FAM114A2: variants seen among roughly 807,000 people sequenced by gnomAD.
FAM114A2 encodes the protein protein FAM114A2.
Under a neutral mutation model 58.4 loss-of-function variants are expected in FAM114A2, and 53 were observed. That is an observed-to-expected ratio of 0.91 (90% CI 0.73 to 1.14). The LOEUF (loss-of-function observed/expected upper bound fraction) is 1.14, where lower values mean the gene tolerates loss of function less well. Among genes scored for constraint, FAM114A2 ranks in the 50% most tolerant of loss-of-function variants. The pLI, the probability that FAM114A2 is intolerant of heterozygous loss-of-function variation, is 0.00. For synonymous variants in FAM114A2, 228 were observed against 211.4 expected (o/e 1.08, Z -0.68); for missense variants, 601 against 581.1 (o/e 1.03, Z -0.35).
intron 9 of FAM114A2, among the ~76,000 whole-genome samples, chr5:154,003,604 C>T (rs1042784912): frequency 2.6e-5 from 4 of 152,156 alleles, no homozygotes; most frequent in African/African-American, 9.7e-5. Context: ...TAGAATATTT[C>T]CTCATCCCTA....
In FAM114A2 at chr5:153,990,941, T is replaced by C. The variant is rs940093218; in HGVS notation, c.*2035A>G. 1 of 152,350 alleles carries C rather than the reference T, an allele frequency of 6.6e-6. No homozygotes were observed. Among genetic ancestry groups the C allele is most frequent in the East Asian group, 1.9e-4 (1 of 5,192 alleles). The allele number at this position is 152,350 out of a possible 1,614,324, so 9.4% of individuals were successfully genotyped here. ...CCTGAATTTACCTACTCATCTGTCA[T>C]GAATGTTTATGTTTCTCTATGTCTA... On this transcript the variant is annotated 3_prime_UTR_variant, in exon 14 of 14. Coordinates refer to ENST00000351797, the MANE Select transcript of FAM114A2 (RefSeq NM_018691.4).
At chr5:154,015,286 T>C (rs1485875854) in intron 8 of FAM114A2, among the ~76,000 whole-genome samples, 1 of 152,192 alleles carries the variant, frequency 6.6e-6, no homozygotes, top group Admixed American at 6.5e-5. Context: ...TGATGCTTTC[T>C]TGAAAGTGCC....
intron 4 of FAM114A2, among the ~76,000 whole-genome samples, chr5:154,031,314 A>G (rs1240633671): frequency 6.7e-6 from 1 of 149,068 alleles, no homozygotes; most frequent in South Asian, 2.1e-4. Context: ...TCCCTCTCCA[A>G]AAAAAAAAAA....
chr5:154,035,672 C>T (rs1036270926), intron 1 of FAM114A2, among the ~76,000 whole-genome samples: 6 of 152,130 alleles, frequency 3.9e-5, no homozygotes, highest in Admixed American at 1.3e-4. Context: ...TTTGGGGGAA[C>T]ATAAGCTATC....
intron 4 of FAM114A2, among the ~76,000 whole-genome samples, chr5:154,029,954 T>A (rs773812060): frequency 2.0e-5 from 3 of 152,154 alleles, no homozygotes; most frequent in Non-Finnish European, 4.4e-5. Flanking sequence ...TGAGAGAACC[T>A]TTTTGGGGTA....
intron 9 of FAM114A2, among the ~76,000 whole-genome samples, chr5:154,009,371 A>G (rs1770550929): frequency 6.6e-6 from 1 of 152,164 alleles, no homozygotes. Context: ...AACTCCATGA[A>G]AGCATACTGA....
At chr5:154,032,181 T>C (rs1772247763) in intron 4 of FAM114A2, among the ~76,000 whole-genome samples, 1 of 152,216 alleles carries the variant, frequency 6.6e-6, no homozygotes, top group Non-Finnish European at 1.5e-5. Context: ...TAGAGCCCAC[T>C]CTTCTTCCTT....
intron 8 of FAM114A2, among the ~76,000 whole-genome samples, chr5:154,023,833 A>C (rs952472313): frequency 2.0e-5 from 3 of 152,190 alleles, no homozygotes; most frequent in African/African-American, 7.2e-5. Flanking sequence ...ATAACTATGT[A>C]ATTATAAATG....
In FAM114A2 at chr5:154,029,465, AC is replaced by A. The variant is rs549172465; in HGVS notation, c.495+23del. 3.4e-4 allele frequency: 428 copies of A among 1,266,860 alleles called. 1 individual carries two copies. The African/African-American group carries it at 5.9e-3, about 18-fold the overall frequency. 78.5% of individuals were successfully genotyped at this position (1,266,860 alleles called of 1,614,324 possible). On this transcript the variant is annotated intron_variant, in intron 5 of 13. Transcript: ENST00000351797. The stretch of plus-strand genomic sequence containing the variant: ...CCATTATAATAATGGAAAGGAACAG[AC>A]CACCTTGCACTTTTTTACTTACTGT...
chr5:153,996,928 C>T (rs1215419171), intron 12 of FAM114A2, among the ~76,000 whole-genome samples: 3 of 146,624 alleles, frequency 2.0e-5, no homozygotes, highest in Non-Finnish European at 4.5e-5. Context: ...ACCCAGGAGG[C>T]AGAGGTTGTA....
Position 153,993,125 on chromosome 5 carries a change from A to G in FAM114A2, c.1384-15T>C, listed in dbSNP as rs1447324933. On this transcript the variant is annotated splice_polypyrimidine_tract_variant and intron_variant, in intron 13 of 13. Transcript: ENST00000351797. Reference sequence around the variant, plus strand: ...CTGTTTGATGCCTGCCAGGATTGAAAAAACAAGAAAAAGAAAATATTAGTT... The same window carrying G: ...CTGTTTGATGCCTGCCAGGATTGAAGAAACAAGAAAAAGAAAATATTAGTT... 2 of 1,597,418 alleles carry G rather than the reference A, an allele frequency of 1.3e-6. No homozygotes were observed. Among genetic ancestry groups the G allele is most frequent in the Non-Finnish European group, 1.7e-6 (2 of 1,172,860 alleles).
At chr5:154,028,103 A>T (rs758017033) in intron 6 of FAM114A2, 46 bp downstream of exon 6, 5 of 1,511,406 alleles carry the variant, frequency 3.3e-6, no homozygotes, top group African/African-American at 1.4e-5. Flanking sequence ...GCAAAAATAC[A>T]GATCAAAACA....
rs707178 is a variant in FAM114A2, at chr5:153,991,845, C to A, written c.*1131G>T. On this transcript the variant is annotated 3_prime_UTR_variant, in exon 14 of 14. Transcript: ENST00000351797. ...ACAAATTACCTTAATCATTAAAAAACCACAAAGTTGGAGAATTTTTTTAAA... is the reference window on the plus strand; with the variant it reads ...ACAAATTACCTTAATCATTAAAAAAACACAAAGTTGGAGAATTTTTTTAAA... 1 of 151,878 alleles carries A rather than the reference C, an allele frequency of 6.6e-6. No individual in the cohort carries two copies. The highest frequency in any genetic ancestry group is 2.4e-5 in the African/African-American group (1 of 41,344). 9.4% of individuals were successfully genotyped at this position (151,878 alleles called of 1,614,324 possible).
At chr5:153,996,051 C>A (rs1043706430) in intron 12 of FAM114A2, among the ~76,000 whole-genome samples, 2 of 152,036 alleles carry the variant, frequency 1.3e-5, no homozygotes, top group African/African-American at 4.8e-5. Context: ...ACAAGCTGAT[C>A]CTAAAAGTCA....
At chr5:154,013,462 C>T (rs1038785385) in intron 8 of FAM114A2, among the ~76,000 whole-genome samples, 5 of 152,198 alleles carry the variant, frequency 3.3e-5, no homozygotes, top group African/African-American at 9.6e-5. Flanking sequence ...GCATTCTCAA[C>T]CAAAATCACT....
chr5:154,027,843 C>G (rs1038947100), intron 6 of FAM114A2, among the ~76,000 whole-genome samples: 1 of 152,044 alleles, frequency 6.6e-6, no homozygotes, highest in African/African-American at 2.4e-5. Flanking sequence ...CCCAAGGAAC[C>G]AGGTGTTTCT....
At chr5:153,993,862 G>A (rs1769398273) in intron 13 of FAM114A2, among the ~76,000 whole-genome samples, 1 of 152,038 alleles carries the variant, frequency 6.6e-6, no homozygotes, top group South Asian at 2.1e-4. Context: ...TCAATGGCAA[G>A]TACTATTTAA....
chr5:153,998,582 T>C (rs1380043299), intron 11 of FAM114A2, among the ~76,000 whole-genome samples: 1 of 152,222 alleles, frequency 6.6e-6, no homozygotes, highest in Non-Finnish European at 1.5e-5. Context: ...TTCTTTACCA[T>C]GTTGTGGAGC....
Position 154,029,439 on chromosome 5 carries a change from C to T in FAM114A2, c.495+50G>A, listed in dbSNP as rs752296786. 6.0e-6 allele frequency: 6 copies of T among 998,754 alleles called. No individual in the cohort carries two copies. In the African/African-American group the frequency reaches 9.6e-5, roughly 16 times the overall value. 61.9% of individuals were successfully genotyped at this position (998,754 alleles called of 1,614,324 possible). A position where few individuals can be genotyped will look rare whatever the true frequency, so the allele number is the denominator to read the frequency against. On this transcript the variant is annotated intron_variant, in intron 5 of 13. Transcript: ENST00000351797. ...GAAAAGAGAGAGAAAGATATGCAAACCCATTATAATAATGGAAAGGAACAG... is the reference window on the plus strand; with the variant it reads ...GAAAAGAGAGAGAAAGATATGCAAATCCATTATAATAATGGAAAGGAACAG...
Sources: gnomAD v4.1 joint callset for allele counts (sites outside exome capture counted in the v4.1 genomes callset) on GRCh38, gnomAD v4.1.1 for gene constraint, MANE v1.5 for transcripts, NCBI Gene and HGNC (gene_info 2026-07-23, HGNC 2026-07-21) for gene names.